Variants in CD55 observed in about 807,000 individuals in gnomAD.
The protein encoded by CD55 is CD55 molecule (Cromer blood group).
In CD55, 41 loss-of-function variants were observed where a neutral mutation model predicts 45.8. That is an observed-to-expected ratio of 0.90 (90% CI 0.70 to 1.16). The LOEUF (loss-of-function observed/expected upper bound fraction) is 1.16. CD55 is among the 50% of genes most tolerant of loss of function. CD55 has a pLI of 0.00. For missense variants in CD55, 416 were observed against 469.8 expected, an observed-to-expected ratio of 0.89 and a Z score of 1.06; for synonymous variants, 181 against 181.1, an observed-to-expected ratio of 1.00 and a Z score of 0.01.
intron 9 of CD55, among the ~76,000 whole-genome samples, chr1:207,344,479 C>T (rs1655552272): frequency 6.6e-6 from 1 of 152,128 alleles, no homozygotes; most frequent in Non-Finnish European, 1.5e-5. Context: ...CATTGTTTCT[C>T]CTTCATTTAT....
At chr1:207,331,661 C>T (rs1211010226) in intron 6 of CD55, among the ~76,000 whole-genome samples, 1 of 152,132 alleles carries the variant, frequency 6.6e-6, no homozygotes. Flanking sequence ...AGATTGAAGG[C>T]TCTAGATAGT....
intron 9 of CD55, among the ~76,000 whole-genome samples, chr1:207,357,273 C>A (rs546885855): frequency 3.3e-5 from 5 of 152,026 alleles, no homozygotes; most frequent in Admixed American, 2.6e-4. Context: ...TAAGACATAA[C>A]TTTTTCTCCA....
chr1:207,340,515 GC>G (rs1441565082), intron 9 of CD55: 1 of 696,956 alleles, frequency 1.4e-6, no homozygotes, highest in African/African-American at 1.8e-5. Context: ...ACAGGTGTGT[GC>G]CACGACACCC....
intron 9 of CD55, among the ~76,000 whole-genome samples, chr1:207,356,578 T>C (rs1656083693): frequency 6.6e-6 from 1 of 152,144 alleles, no homozygotes; most frequent in South Asian, 2.1e-4. Flanking sequence ...TTCTCACTTA[T>C]ATTAATAGAT....
chr1:207,344,079 A>G (rs1655534705), intron 9 of CD55, among the ~76,000 whole-genome samples: 1 of 152,236 alleles, frequency 6.6e-6, no homozygotes, highest in Non-Finnish European at 1.5e-5. Flanking sequence ...ATTTCTTGAA[A>G]GAAACGTATA....
chr1:207,339,484 G>C lies in CD55; in HGVS notation c.1081+67G>C. ...TGTGGGATATACAATCCATATTCCT[G>C]GGAGATAATATTGTCTTCTTGTTTT... On this transcript the variant is annotated intron_variant, in intron 9 of 9. Coordinates refer to ENST00000367064, the MANE Select transcript of CD55 (RefSeq NM_000574.5). The C allele has an allele frequency of 2.6e-6, 3 of 1,173,030 alleles. No individual in the cohort carries two copies. The South Asian group carries it at 4.3e-5, about 17-fold the overall frequency. The allele number at this position is 1,173,030 out of a possible 1,614,324, so 72.7% of individuals were successfully genotyped here.
intron 5 of CD55, among the ~76,000 whole-genome samples, chr1:207,328,200 G>T (rs1273790353): frequency 6.6e-6 from 1 of 152,106 alleles, no homozygotes; most frequent in Non-Finnish European, 1.5e-5. Flanking sequence ...ATATTCTGAT[G>T]TTCATGTTTT....
At chr1:207,354,540 C>T (rs1032812274) in intron 9 of CD55, among the ~76,000 whole-genome samples, 3 of 152,132 alleles carry the variant, frequency 2.0e-5, no homozygotes, top group African/African-American at 7.2e-5. Flanking sequence ...ATGTTATTTT[C>T]CCACCTAAGA....
intron 9 of CD55, among the ~76,000 whole-genome samples, chr1:207,341,432 T>C (rs912669464): frequency 6.6e-6 from 1 of 152,208 alleles, no homozygotes; most frequent in Non-Finnish European, 1.5e-5. Context: ...CATCTCGATT[T>C]GATTTTTGTA....
intron 9 of CD55, among the ~76,000 whole-genome samples, chr1:207,352,655 T>G (rs1655913065): frequency 6.6e-6 from 1 of 152,184 alleles, no homozygotes; most frequent in Admixed American, 6.5e-5. Flanking sequence ...TGTGAAGTAT[T>G]TGAAGCTTAA....
At chr1:207,350,055 C>T in intron 9 of CD55, 2 of 451,978 alleles carry the variant, frequency 4.4e-6, no homozygotes, top group Admixed American at 2.4e-5. Flanking sequence ...TTGTTGATGA[C>T]TTTTAACATG....
At chr1:207,331,361 G>C in intron 6 of CD55, 65 bp downstream of exon 6, 2 of 1,216,130 alleles carry the variant, frequency 1.6e-6, no homozygotes, top group Non-Finnish European at 2.4e-6. Flanking sequence ...GTGGGTTGCA[G>C]ACATTCAATG....
chr1:207,330,820 C>G lies in CD55; in HGVS notation c.665-288C>G, dbSNP rs144271468. 4.1e-3 allele frequency among the ~76,000 whole-genome samples: 631 copies of G among 152,274 alleles called. 5 individuals are homozygous for G. Among genetic ancestry groups the G allele is most frequent in the African/African-American group, 0.014 (597 of 41,552 alleles). ...CTTTTCCTAGCACCGTTTTGATATG[C>G]ACACATCTTACTATAATTTTTCTTT... On this transcript the variant is annotated intron_variant, in intron 5 of 9. Transcript: ENST00000367064.
intron 4 of CD55, 65 bp from the exon 5 acceptor site, chr1:207,326,687 G>A (rs28371662): frequency 0.018 from 21,349 of 1,158,534 alleles, 246 homozygotes; most frequent in Middle Eastern, 0.031. Context: ...ATAACCTGGA[G>A]AATTTGAGGA....
At chr1:207,346,882 C>A (rs932975209) in intron 9 of CD55, among the ~76,000 whole-genome samples, 1 of 152,114 alleles carries the variant, frequency 6.6e-6, no homozygotes, top group South Asian at 2.1e-4. Context: ...CTAGAGCCTA[C>A]GAGAATCAAG....
intron 9 of CD55, among the ~76,000 whole-genome samples, chr1:207,351,941 G>A (rs1290540822): frequency 6.6e-6 from 1 of 152,020 alleles, no homozygotes; most frequent in Non-Finnish European, 1.5e-5. Flanking sequence ...TTTCATATTT[G>A]TAGGACATAA....
At chr1:207,323,920 C>T (rs1572867949) in intron 2 of CD55, among the ~76,000 whole-genome samples, 1 of 152,264 alleles carries the variant, frequency 6.6e-6, no homozygotes, top group East Asian at 1.9e-4. Context: ...GCTTTTACGC[C>T]AAAACCAAGG....
intron 9 of CD55, among the ~76,000 whole-genome samples, chr1:207,344,282 C>A (rs966356486): frequency 6.6e-6 from 1 of 152,042 alleles, no homozygotes; most frequent in Non-Finnish European, 1.5e-5. Context: ...ACATTTTAGT[C>A]TTTTCTCTTC....
At chr1:207,348,553 A>G (rs1448211004) in intron 9 of CD55, among the ~76,000 whole-genome samples, 1 of 152,062 alleles carries the variant, frequency 6.6e-6, no homozygotes, top group African/African-American at 2.4e-5. Flanking sequence ...TTTTTTTGCC[A>G]TGCAGAAGCA....
Sources: allele counts gnomAD v4.1 joint callset (sites outside exome capture counted in the v4.1 genomes callset), GRCh38; gene constraint gnomAD v4.1.1; transcripts MANE v1.5; gene names NCBI Gene and HGNC (gene_info 2026-07-23, HGNC 2026-07-21).